Variants in RANBP3 observed in about 807,000 individuals in gnomAD.
RANBP3 encodes RAN binding protein 3, also known as ran-binding protein 3.
Under a neutral mutation model 77.3 loss-of-function variants are expected in RANBP3, and 14 were observed. The ratio of observed to expected loss-of-function variants is 0.18; its 90% CI spans 0.12 to 0.28. The LOEUF (loss-of-function observed/expected upper bound fraction) is 0.28. Among genes scored for constraint, RANBP3 ranks in the 10% least tolerant of loss-of-function variants. RANBP3 has a pLI of 1.00. For synonymous variants in RANBP3, 315 were observed against 312.4 expected, an observed-to-expected ratio of 1.01 and a Z score of -0.09; for missense variants, 586 against 752.3, an observed-to-expected ratio of 0.78 and a Z score of 2.59.
At chr19:5,927,847 G>A (rs1261689307) in intron 9 of RANBP3, 121 bp downstream of exon 9, 6 of 1,334,096 alleles carry the variant, frequency 4.5e-6, no homozygotes, top group Admixed American at 2.4e-5. Flanking sequence ...GGGCTGCCTC[G>A]CTAACACCTT....
Position 5,927,958 on chromosome 19 carries a change from G to A in RANBP3, c.813+10C>T. On this transcript the variant is annotated intron_variant, in intron 9 of 16. Coordinates refer to ENST00000340578, the MANE Select transcript of RANBP3 (RefSeq NM_007322.3). ...AAAAAGTCAATGTGCTGGTTCAACA[G>A]CTCACATACCTTAACTCTGTCCCTC... 1.2e-6 allele frequency: 2 copies of A among 1,602,662 alleles called. No individual in the cohort carries two copies. Among genetic ancestry groups the A allele is most frequent in the Non-Finnish European group, 1.7e-6 (2 of 1,176,064 alleles).
chr19:5,921,565 T>TG lies in RANBP3; in HGVS notation c.1210-245dup, dbSNP rs1221205825. 1.3e-5 allele frequency among the ~76,000 whole-genome samples: 2 copies of TG among 152,240 alleles called. No individual in the cohort carries two copies. The highest frequency in any genetic ancestry group is 2.9e-5 in the Non-Finnish European group (2 of 68,030). ...GCAAAACAACGGTGAGAAGCCTCTC[T>TG]GCGCACTCTAGGACGGCTATACCCA... On this transcript the variant is annotated intron_variant, in intron 13 of 16. Coordinates refer to ENST00000340578, the MANE Select transcript of RANBP3 (RefSeq NM_007322.3). This position sits in a 1 kb window ranked among gnomAD's most constrained non-coding sequence, Gnocchi z 5.3.
At chr19:5,927,414 G>A (rs925660259) in intron 9 of RANBP3, among the ~76,000 whole-genome samples, 1 of 152,194 alleles carries the variant, frequency 6.6e-6, no homozygotes, top group Admixed American at 6.5e-5. Flanking sequence ...TAATGGGGGC[G>A]ATTCTACTCC....
chr19:5,935,976 A>G, intron 5 of RANBP3: 1 of 313,784 alleles, frequency 3.2e-6, no homozygotes, highest in Admixed American at 3.6e-5. Context: ...GAGGAAGAGG[A>G]CCCCTCCCGC....
intron 6 of RANBP3, chr19:5,932,985 T>C (rs1204920813): frequency 7.6e-6 from 2 of 264,566 alleles, no homozygotes; most frequent in African/African-American, 4.5e-5. Flanking sequence ...GACCCTTGCA[T>C]GTGCCCTGCC....
At chr19:5,953,306 G>T (rs912299565) in intron 2 of RANBP3, among the ~76,000 whole-genome samples, 21 of 152,140 alleles carry the variant, frequency 1.4e-4, no homozygotes, top group Non-Finnish European at 5.9e-5. Flanking sequence ...GTGAAGCCTG[G>T]AGTTTTTCAA....
At chr19:5,932,913 G>A (rs552144078) in intron 6 of RANBP3, 5 of 290,220 alleles carry the variant, frequency 1.7e-5, no homozygotes, top group Non-Finnish European at 2.6e-5. Context: ...GGCACATTTT[G>A]CACCTGTTTT....
chr19:5,923,450 C>T, intron 12 of RANBP3, 147 bp from the exon 13 acceptor site: 2 of 710,174 alleles, frequency 2.8e-6, no homozygotes, highest in South Asian at 3.5e-5. Flanking sequence ...CCCAAGTGGA[C>T]CCTAGACACA....
At chr19:5,953,358 G>C (rs2058297712) in intron 2 of RANBP3, among the ~76,000 whole-genome samples, 1 of 152,142 alleles carries the variant, frequency 6.6e-6, no homozygotes, top group Non-Finnish European at 1.5e-5. Flanking sequence ...GCCAGCCTTT[G>C]ACCTCATCCT....
chr19:5,919,381 G>A (rs2057788171), intron 14 of RANBP3, among the ~76,000 whole-genome samples: 1 of 152,148 alleles, frequency 6.6e-6, no homozygotes, highest in Admixed American at 6.5e-5. Context: ...CCCTGCCCTG[G>A]CCCAGCGAAC....
intron 3 of RANBP3, among the ~76,000 whole-genome samples, chr19:5,945,543 G>A (rs536252544): frequency 6.6e-6 from 1 of 152,292 alleles, no homozygotes; most frequent in African/African-American, 2.4e-5. Flanking sequence ...TGACCTATAT[G>A]TCTGTTAGGT....
At chr19:5,973,287 G>A (rs1268780200) in intron 1 of RANBP3, among the ~76,000 whole-genome samples, 1 of 152,188 alleles carries the variant, frequency 6.6e-6, no homozygotes, top group Non-Finnish European at 1.5e-5. Flanking sequence ...TGCAAGCTGA[G>A]AGAAGCCAAA....
intron 3 of RANBP3, among the ~76,000 whole-genome samples, chr19:5,944,868 A>G (rs1317925075): frequency 1.3e-5 from 2 of 152,034 alleles, no homozygotes; most frequent in Non-Finnish European, 2.9e-5. Context: ...CGAGCCTTTC[A>G]ACTGTACCAA....
rs925752992 is a variant in RANBP3, at chr19:5,951,352, T to G, written c.282+41A>C. 7 of 1,525,512 alleles carry G rather than the reference T, an allele frequency of 4.6e-6. No individual in the cohort carries two copies. The African/African-American group carries it at 9.7e-5, about 21-fold the overall frequency. The allele number at this position is 1,525,512 out of a possible 1,614,324, so 94.5% of individuals were successfully genotyped here. On this transcript the variant is annotated intron_variant, in intron 3 of 16. Coordinates refer to ENST00000340578, the MANE Select transcript of RANBP3 (RefSeq NM_007322.3). Reference sequence around the variant, plus strand: ...GGAAAGTGGCTGGTCTGGGTTGGGCTCCCCCTGGGCGGTAGGAGTGCCGGG... The same window carrying G: ...GGAAAGTGGCTGGTCTGGGTTGGGCGCCCCCTGGGCGGTAGGAGTGCCGGG...
Position 5,958,890 on chromosome 19 carries a change from G to A in RANBP3, c.23-917C>T, listed in dbSNP as rs2058366923. ...GCAGCTGTGACTCTGGTGAATGCCT[G>A]CTGTGGGCTGCGGGCTGCGCACTGG... is the stretch of plus-strand genomic sequence containing the variant. On this transcript the variant is annotated intron_variant, in intron 1 of 16. Coordinates refer to ENST00000340578, the MANE Select transcript of RANBP3 (RefSeq NM_007322.3). This position sits in a 1 kb window ranked among gnomAD's most constrained non-coding sequence, Gnocchi z 4.4. Among the ~76,000 whole-genome samples the A allele has an allele frequency of 6.6e-6, 1 of 152,268 alleles. No individual in the cohort carries two copies. The highest frequency in any genetic ancestry group is 1.5e-5 in the Non-Finnish European group (1 of 68,038).
intron 2 of RANBP3, among the ~76,000 whole-genome samples, chr19:5,955,437 C>T (rs889372810): frequency 7.2e-5 from 11 of 152,160 alleles, no homozygotes; most frequent in African/African-American, 2.7e-4. Context: ...TCCTGGCTAG[C>T]CTTCTGGTTC....
intron 1 of RANBP3, among the ~76,000 whole-genome samples, chr19:5,967,918 G>T (rs1311344790): frequency 6.6e-6 from 1 of 152,134 alleles, no homozygotes; most frequent in Non-Finnish European, 1.5e-5. Flanking sequence ...TCGGGAGGCT[G>T]AGACCCAAGC....
chr19:5,941,897 CT>C, intron 3 of RANBP3, 62 bp from the exon 4 acceptor site: 1 of 1,588,428 alleles, frequency 6.3e-7, no homozygotes, highest in Non-Finnish European at 8.6e-7. Context: ...CCGAGCAACT[CT>C]CGGGGCCGTA....
intron 9 of RANBP3, among the ~76,000 whole-genome samples, chr19:5,926,179 C>T (rs1292423225): frequency 6.6e-6 from 1 of 152,134 alleles, no homozygotes; most frequent in Non-Finnish European, 1.5e-5. Flanking sequence ...TGCTTTAATC[C>T]TCACGAGGCC....
Sources: gnomAD v4.1 joint callset for allele counts (sites outside exome capture counted in the v4.1 genomes callset) on GRCh38, gnomAD v4.1.1 for gene constraint, Gnocchi (gnomAD v3.1) non-coding constraint, MANE v1.5 for transcripts, NCBI Gene and HGNC (gene_info 2026-07-23, HGNC 2026-07-21) for gene names.